The following CHN2 variants were observed in gnomAD, a reference collection of about 807,000 sequenced individuals.
The protein encoded by CHN2 is beta-chimaerin.
Under a neutral mutation model 56.3 loss-of-function variants are expected in CHN2, and 35 were observed. The observed-to-expected ratio is 0.62, with a 90% confidence interval of 0.47 to 0.82. CHN2 has a LOEUF of 0.82. CHN2 is among the 40% of genes least tolerant of loss of function. The pLI, the probability that CHN2 is intolerant of heterozygous loss-of-function variation, is 0.00. For missense variants in CHN2, 491 were observed against 580.5 expected (o/e 0.85, Z 1.58); for synonymous variants, 210 against 212.8 (o/e 0.99, Z 0.12).
chr7:29,347,159 G>T (rs1383668201), intron 1 of CHN2, among the ~76,000 whole-genome samples: 1 of 152,160 alleles, frequency 6.6e-6, no homozygotes, highest in Non-Finnish European at 1.5e-5. Context: ...GTGAGAGAGG[G>T]TGTGGGGAAA....
At chr7:29,508,309 G>T (rs1013635296) in intron 11 of CHN2, among the ~76,000 whole-genome samples, 2 of 151,782 alleles carry the variant, frequency 1.3e-5, no homozygotes, top group Non-Finnish European at 2.9e-5. Flanking sequence ...CTTTGCCCAG[G>T]AAGAGTCAAA....
At chr7:29,243,043 T>G (rs2128811635) in intron 1 of CHN2, among the ~76,000 whole-genome samples, 1 of 152,194 alleles carries the variant, frequency 6.6e-6, no homozygotes, top group South Asian at 2.1e-4. Flanking sequence ...TTTGTGAAAA[T>G]TTTTAATGGA....
intron 1 of CHN2, among the ~76,000 whole-genome samples, chr7:29,255,272 G>A (rs969183797): frequency 6.6e-6 from 1 of 152,200 alleles, no homozygotes; most frequent in Admixed American, 6.5e-5. Flanking sequence ...TGGCTCCAGG[G>A]AAGGCCATCG....
At chr7:29,261,298 A>G (rs547851339) in intron 1 of CHN2, among the ~76,000 whole-genome samples, 7 of 152,254 alleles carry the variant, frequency 4.6e-5, no homozygotes, top group African/African-American at 1.4e-4. Context: ...CACTGTATCC[A>G]TTGCCTCCCT....
chr7:29,236,257 G>A (rs754692098), intron 1 of CHN2, among the ~76,000 whole-genome samples: 1 of 152,250 alleles, frequency 6.6e-6, no homozygotes, highest in Non-Finnish European at 1.5e-5. Flanking sequence ...ACTGAGGCCA[G>A]TGAGTAATAC....
chr7:29,512,574 A>C lies in CHN2; in HGVS notation c.1246A>C (p.Asn416His), dbSNP rs143396509. The C allele has an allele frequency of 7.9e-5, 127 of 1,612,182 alleles. No individual in the cohort carries two copies. The African/African-American group carries it at 1.6e-3, about 20-fold the overall frequency. ...ATGTTTGTTTTGCAGGGTTACTATGAATGAAAAAGACAATTTCATGAATGC... is the reference window on the plus strand; with the variant it reads ...ATGTTTGTTTTGCAGGGTTACTATGCATGAAAAAGACAATTTCATGAATGC... ...LMIHLKKVTM[N>H]EKDNFMNAEN... Residue 416 changes from asparagine to histidine, a missense_variant, in exon 13 of 13, where the codon AAT becomes CAT. Coordinates refer to ENST00000222792, the MANE Select transcript of CHN2 (RefSeq NM_004067.4).
intron 3 of CHN2, among the ~76,000 whole-genome samples, chr7:29,393,285 AATAC>A (rs749222591): frequency 1.3e-5 from 2 of 152,234 alleles, no homozygotes; most frequent in African/African-American, 2.4e-5. Context: ...TTTAATTATA[AATAC>A]ATAATAAAAA....
intron 1 of CHN2, among the ~76,000 whole-genome samples, chr7:29,279,916 T>C (rs1021325167): frequency 6.6e-6 from 1 of 151,878 alleles, no homozygotes; most frequent in Non-Finnish European, 1.5e-5. Flanking sequence ...ATTAGGGTGG[T>C]GGGTAAGAAA....
intron 6 of CHN2, among the ~76,000 whole-genome samples, chr7:29,451,202 G>C (rs945691136): frequency 6.6e-6 from 1 of 152,204 alleles, no homozygotes; most frequent in African/African-American, 2.4e-5. Flanking sequence ...CTGGACTGGG[G>C]TTGGAAGAGA....
rs369546673 is a variant in CHN2 at position 29,268,273 on chromosome 7, G to A, written c.49+73283G>A. Among the ~76,000 whole-genome samples, 30 of 61,134 alleles carry A rather than the reference G, an allele frequency of 4.9e-4. 2 individuals carry two copies. The highest frequency in any genetic ancestry group is 1.7e-3 in the African/African-American group (29 of 16,590). 40.1% of individuals were successfully genotyped at this position (61,134 alleles called of 152,430 possible). A position where few individuals can be genotyped will look rare whatever the true frequency, so the allele number is the denominator to read the frequency against. On this transcript the variant is annotated intron_variant, in intron 1 of 12. Coordinates refer to ENST00000222792, the MANE Select transcript of CHN2 (RefSeq NM_004067.4). ...TTTTAAAAAATGTCCTTCATCCACG[G>A]CTTCACCAGAACACACACACACACA...
chr7:29,510,819 T>C (rs1299948753), intron 12 of CHN2, among the ~76,000 whole-genome samples: 1 of 152,184 alleles, frequency 6.6e-6, no homozygotes, highest in Non-Finnish European at 1.5e-5. Flanking sequence ...CATGGATCGC[T>C]GAGGTCCATC....
intron 1 of CHN2, among the ~76,000 whole-genome samples, chr7:29,334,950 T>C: frequency 6.6e-6 from 1 of 152,324 alleles, no homozygotes; most frequent in African/African-American, 2.4e-5. Flanking sequence ...TCTAAGACAT[T>C]ACTGACACCC....
chr7:29,454,753 C>T (rs577884244), intron 6 of CHN2, among the ~76,000 whole-genome samples: 1 of 152,216 alleles, frequency 6.6e-6, no homozygotes, highest in East Asian at 1.9e-4. Flanking sequence ...TCAGATGGAA[C>T]AAGGAAGTGC....
upstream of CHN2, chr7:29,192,769 G>A (rs984928687): frequency 2.0e-5 from 3 of 152,112 alleles, no homozygotes; most frequent in Admixed American, 2.0e-4. Flanking sequence ...GCTCAAGTTC[G>A]CAGCTAAGTG....
At chr7:29,319,540 A>G (rs1187417181) in intron 1 of CHN2, among the ~76,000 whole-genome samples, 1 of 152,184 alleles carries the variant, frequency 6.6e-6, no homozygotes, top group Non-Finnish European at 1.5e-5. Context: ...TCCTGTGGAC[A>G]CTGTTCAGAT....
chr7:29,206,801 C>T (rs550697275), intron 1 of CHN2, among the ~76,000 whole-genome samples: 5 of 152,198 alleles, frequency 3.3e-5, no homozygotes, highest in African/African-American at 4.8e-5. Flanking sequence ...ATACATGCTA[C>T]ACCAGGGATG....
At chr7:29,275,577 T>C (rs1238867889) in intron 1 of CHN2, among the ~76,000 whole-genome samples, 1 of 152,194 alleles carries the variant, frequency 6.6e-6, no homozygotes, top group African/African-American at 2.4e-5. Context: ...ATTGCTAATA[T>C]TTGTGGAGTG....
rs1334144011 is a variant in CHN2, at chr7:29,398,057, AAGGGG to A, written c.177-315_177-311del. On this transcript the variant is annotated intron_variant, in intron 4 of 12. Transcript: ENST00000222792. ...TCTGTTATTTCCCATGGTTAAAAAA[AAGGGG>A]GGGGGGGGGCGGTGGTTGAGTAACC... 8.8e-4 allele frequency: 101 copies of A among 114,366 alleles called. 1 individual carries two copies. Among genetic ancestry groups the A allele is most frequent in the Middle Eastern group, 6.9e-3 (3 of 436 alleles). 7.1% of individuals were successfully genotyped at this position (114,366 alleles called of 1,614,324 possible).
chr7:29,410,857 C>A (rs958543054), intron 6 of CHN2, among the ~76,000 whole-genome samples: 17 of 152,068 alleles, frequency 1.1e-4, no homozygotes, highest in African/African-American at 3.9e-4. Flanking sequence ...ATGACTGTTA[C>A]ATATAATGCT....
Sources: allele counts gnomAD v4.1 joint callset (sites outside exome capture counted in the v4.1 genomes callset), GRCh38; gene constraint gnomAD v4.1.1; transcripts MANE v1.5; gene names NCBI Gene and HGNC (gene_info 2026-07-23, HGNC 2026-07-21).